The following CLPB variants were observed in gnomAD, a reference collection of about 807,000 sequenced individuals.
The protein encoded by CLPB is mitochondrial disaggregase.
CLPB carries 40 observed loss-of-function variants against 78.4 expected under a neutral mutation model. The observed-to-expected ratio is 0.51, with a 90% CI of 0.40 to 0.66. The LOEUF (loss-of-function observed/expected upper bound fraction) is 0.66. Ranked by LOEUF, CLPB falls within the 30% of genes least tolerant of loss-of-function variation. The probability of loss-of-function intolerance (pLI) is 0.00; values close to 1 mark genes in which losing one functional copy is unlikely to be tolerated. For missense variants in CLPB, 780 were observed against 886.9 expected, an observed-to-expected ratio of 0.88 and a Z score of 1.53; for synonymous variants, 333 against 348.0, an observed-to-expected ratio of 0.96 and a Z score of 0.48.
Position 72,372,910 on chromosome 11 carries a change from G to A in CLPB, c.646+7371C>T, listed in dbSNP as rs369768699. ...TGGGGAGGGGGAGAAATATTATACAGAGCAGTTCCATTACCGCCAGCGGGG... is the reference window on the plus strand; with the variant it reads ...TGGGGAGGGGGAGAAATATTATACAAAGCAGTTCCATTACCGCCAGCGGGG... On this transcript the variant is annotated intron_variant, in intron 4 of 15. Transcript: ENST00000538039. The A allele has an allele frequency of 2.6e-5, 41 of 1,606,162 alleles. No homozygotes were observed. The highest frequency in any genetic ancestry group is 1.6e-4 in the Middle Eastern group (1 of 6,078).
intron 3 of CLPB, among the ~76,000 whole-genome samples, chr11:72,398,777 C>T (rs1418069104): frequency 6.6e-6 from 1 of 152,196 alleles, no homozygotes; most frequent in Non-Finnish European, 1.5e-5. Context: ...AGGGGCCAGA[C>T]CCCAATGACT....
intron 3 of CLPB, among the ~76,000 whole-genome samples, chr11:72,393,434 A>G (rs926127243): frequency 6.6e-6 from 1 of 152,214 alleles, no homozygotes; most frequent in African/African-American, 2.4e-5. Flanking sequence ...TTTTATGTGC[A>G]TTTTAATCTT....
In CLPB at chr11:72,367,493, C is replaced by T. The variant is rs149509756; in HGVS notation, c.647-8485G>A. 2.9e-3 allele frequency among the ~76,000 whole-genome samples: 437 copies of T among 152,230 alleles called. 3 individuals are homozygous for T. The highest frequency in any genetic ancestry group is 1.0e-2 in the African/African-American group (414 of 41,534). On this transcript the variant is annotated intron_variant, in intron 4 of 15. Transcript: ENST00000538039. ...TCTCCCAAAGTGCTGGGATTACAGG[C>T]GTGAGCCACTGTGCCCAGCCTACCT...
chr11:72,304,537 C>T (rs1169286502), intron 9 of CLPB, among the ~76,000 whole-genome samples: 1 of 152,188 alleles, frequency 6.6e-6, no homozygotes, highest in Non-Finnish European at 1.5e-5. Flanking sequence ...AGGTTCCTTC[C>T]CAAGGCTTAT....
In CLPB at chr11:72,355,247, G is replaced by A. The variant is rs1003299301; in HGVS notation, c.775+3633C>T. ...GAAGTATCGGAGTAGACCAGACGAC[G>A]AAGAAAGGCTTCTTAAGAGAGAGAG... On this transcript the variant is annotated intron_variant, in intron 5 of 15. Coordinates refer to ENST00000538039, the MANE Select transcript of CLPB (RefSeq NM_001258392.3). 1.6e-4 allele frequency: 24 copies of A among 152,266 alleles called. 1 individual carries two copies. The highest frequency in any genetic ancestry group is 9.2e-4 in the Admixed American group (14 of 15,278). The allele number at this position is 152,266 out of a possible 1,614,324, so 9.4% of individuals were successfully genotyped here. A position where few individuals can be genotyped will look rare whatever the true frequency, so the allele number is the denominator to read the frequency against.
intron 3 of CLPB, among the ~76,000 whole-genome samples, chr11:72,398,940 C>G (rs972706207): frequency 3.9e-5 from 6 of 152,210 alleles, no homozygotes; most frequent in African/African-American, 1.4e-4. Flanking sequence ...AAGTAAGCTT[C>G]TTAAGGCAAA....
chr11:72,301,132 T>C (rs1204088905), intron 11 of CLPB, among the ~76,000 whole-genome samples: 1 of 152,222 alleles, frequency 6.6e-6, no homozygotes, highest in Non-Finnish European at 1.5e-5. Context: ...GGATTAGTGA[T>C]AATGGCTGTA....
At chr11:72,429,595 G>A (rs1377848873) in intron 2 of CLPB, among the ~76,000 whole-genome samples, 4 of 152,154 alleles carry the variant, frequency 2.6e-5, no homozygotes, top group Admixed American at 2.0e-4. Context: ...CCCAGTGGGG[G>A]GCATAGTTTC....
At chr11:72,426,530 G>C (rs1856379511) in intron 2 of CLPB, among the ~76,000 whole-genome samples, 1 of 141,220 alleles carries the variant, frequency 7.1e-6, no homozygotes, top group Non-Finnish European at 1.6e-5. Flanking sequence ...GGAGGAAATG[G>C]ATGTCACACA....
chr11:72,379,095 T>C (rs937783486), intron 4 of CLPB, among the ~76,000 whole-genome samples: 1 of 152,206 alleles, frequency 6.6e-6, no homozygotes, highest in Non-Finnish European at 1.5e-5. Flanking sequence ...ATGCCACTGA[T>C]TTGAGAAACC....
intron 1 of CLPB, chr11:72,430,623 C>T (rs1348825496): frequency 4.1e-6 from 2 of 488,034 alleles, no homozygotes; most frequent in East Asian, 3.8e-5. Flanking sequence ...AGGTCAACTG[C>T]TAGCACCACG....
intron 2 of CLPB, among the ~76,000 whole-genome samples, chr11:72,424,716 C>G (rs560329362): frequency 6.6e-6 from 1 of 152,144 alleles, no homozygotes. Context: ...GAAACCCTGT[C>G]TCTTTGTAAA....
At chr11:72,420,179 T>C (rs2135136108) in intron 2 of CLPB, among the ~76,000 whole-genome samples, 1 of 152,100 alleles carries the variant, frequency 6.6e-6, no homozygotes, top group Admixed American at 6.5e-5. Flanking sequence ...CTTGTCTCAA[T>C]TAAATAAACA....
intron 2 of CLPB, among the ~76,000 whole-genome samples, chr11:72,410,549 C>T (rs993030658): frequency 1.4e-4 from 22 of 152,058 alleles, no homozygotes; most frequent in African/African-American, 3.9e-4. Flanking sequence ...TGTGTTCACT[C>T]GATTTTAAAG....
At chr11:72,393,541 A>G (rs1855314665) in intron 3 of CLPB, among the ~76,000 whole-genome samples, 1 of 152,172 alleles carries the variant, frequency 6.6e-6, no homozygotes, top group South Asian at 2.1e-4. Context: ...TCTTCAACAC[A>G]GGCAGCTTCA....
rs1463883649 is a variant in CLPB at position 72,291,274 on chromosome 11, T to C, written c.*2093A>G. The C allele has an allele frequency of 6.6e-6, 1 of 152,186 alleles. No individual in the cohort carries two copies. Among genetic ancestry groups the C allele is most frequent in the African/African-American group, 2.4e-5 (1 of 41,458 alleles). The allele number at this position is 152,186 out of a possible 1,614,324, so 9.4% of individuals were successfully genotyped here. On this transcript the variant is annotated 3_prime_UTR_variant, in exon 16 of 16. Coordinates refer to ENST00000538039, the MANE Select transcript of CLPB (RefSeq NM_001258392.3). ...AAAACTGGCAAAATTTGAATGTCCGTAGATTAGTTAGTAGTAGTTTATCAA... is the reference window on the plus strand; with the variant it reads ...AAAACTGGCAAAATTTGAATGTCCGCAGATTAGTTAGTAGTAGTTTATCAA...
At chr11:72,344,575 ATTC>A (rs1950478743) in intron 5 of CLPB, among the ~76,000 whole-genome samples, 1 of 151,964 alleles carries the variant, frequency 6.6e-6, no homozygotes, top group Non-Finnish European at 1.5e-5. Flanking sequence ...TTTGCAGTTC[ATTC>A]TTCTTTTCCA....
At chr11:72,306,799 T>C (rs541539689) in intron 9 of CLPB, among the ~76,000 whole-genome samples, 6 of 152,344 alleles carry the variant, frequency 3.9e-5, no homozygotes, top group African/African-American at 1.4e-4. Flanking sequence ...ATGTTGTCTT[T>C]CTGAAGCTGT....
chr11:72,295,396 C>G, intron 12 of CLPB, 96 bp downstream of exon 12: 1 of 1,380,152 alleles, frequency 7.2e-7, no homozygotes. Flanking sequence ...CCCACTAGAA[C>G]CTTCACCTGG....
Sources: gnomAD v4.1 joint callset for allele counts (sites outside exome capture counted in the v4.1 genomes callset) on GRCh38, gnomAD v4.1.1 for gene constraint, MANE v1.5 for transcripts, NCBI Gene and HGNC (gene_info 2026-07-23, HGNC 2026-07-21) for gene names.